The following FAT3 variants were observed in gnomAD, a reference collection of about 807,000 sequenced individuals.
The protein encoded by FAT3 is FAT atypical cadherin 3.
A neutral mutation model predicts 310.2 loss-of-function variants in FAT3; 95 were observed. That is an observed-to-expected ratio of 0.31 (90% confidence interval 0.26 to 0.36). FAT3 has a LOEUF of 0.36. FAT3 is among the 10% of genes least tolerant of loss of function. The pLI, the probability that FAT3 is intolerant of heterozygous loss-of-function variation, is 1.00. For synonymous variants in FAT3, 2,314 were observed against 2,192.9 expected (o/e 1.06, Z -1.54); for missense variants, 5,408 against 5,715.6 (o/e 0.95, Z 1.74).
intron 2 of FAT3, among the ~76,000 whole-genome samples, chr11:92,361,775 C>T (rs7936345): frequency 1.3e-5 from 2 of 152,114 alleles, no homozygotes; most frequent in Non-Finnish European, 1.5e-5. Context: ...TGACATAGCA[C>T]GTGACAGCTC....
intron 21 of FAT3, among the ~76,000 whole-genome samples, chr11:92,862,091 A>C (rs1949133186): frequency 6.6e-6 from 1 of 152,218 alleles, no homozygotes; most frequent in Non-Finnish European, 1.5e-5. Flanking sequence ...TAAGCATCCA[A>C]ATGCAATAAA....
chr11:92,799,996 A>G lies in FAT3; in HGVS notation c.6983A>G (p.Gln2328Arg). 3.1e-6 allele frequency: 5 copies of G among 1,613,878 alleles called. No homozygotes were observed. The highest frequency in any genetic ancestry group is 4.2e-6 in the Non-Finnish European group (5 of 1,179,846). The stretch of plus-strand genomic sequence containing the variant: ...AAAATGGTACATTATCAGATTGTCC[A>G]GGATACCTACAATAGCACAGATTAT... Reference protein sequence around the residue: ...NNKMVHYQIVQDTYNSTDYFH... With the variant: ...NNKMVHYQIVRDTYNSTDYFH... Residue 2328 changes from glutamine to arginine, a missense_variant, in exon 10 of 28, where the codon CAG becomes CGG. This residue lies in a region of FAT3 where 4,588 missense variants were observed against 4,809.8 expected (regional missense o/e 0.95). Coordinates refer to ENST00000525166, the MANE Select transcript of FAT3 (RefSeq NM_001367949.2).
intron 2 of FAT3, among the ~76,000 whole-genome samples, chr11:92,444,680 A>G (rs926725755): frequency 2.7e-5 from 4 of 150,212 alleles, no homozygotes; most frequent in Non-Finnish European, 4.4e-5. Flanking sequence ...GAAAACATAC[A>G]GTTTATATTA....
At position 92,450,933 on chromosome 11, in the gene FAT3, A is replaced by C. The variant is rs556740428; in HGVS notation, c.3293-73701A>C. Among the ~76,000 whole-genome samples, 176 of 152,326 alleles carry C rather than the reference A, an allele frequency of 1.2e-3. 1 individual carries two copies. The highest frequency in any genetic ancestry group is 9.3e-3 in the Admixed American group (142 of 15,292). On this transcript the variant is annotated intron_variant, in intron 2 of 27. Coordinates refer to ENST00000525166, the MANE Select transcript of FAT3 (RefSeq NM_001367949.2). ...TTTCTCTAGAAATCAAGAAGTTTTA[A>C]AACAGAATCCTGATCTTTACTGGTC...
chr11:92,576,283 G>A (rs592399), intron 3 of FAT3, among the ~76,000 whole-genome samples: 112,452 of 151,690 alleles, frequency 0.74, 43,927 homozygotes, highest in Non-Finnish European at 0.88. Flanking sequence ...TAGTTACTTC[G>A]TTGGGTTTTA....
At chr11:92,259,991 G>C (rs1319516919) in intron 1 of FAT3, among the ~76,000 whole-genome samples, 2 of 152,122 alleles carry the variant, frequency 1.3e-5, no homozygotes, top group African/African-American at 4.8e-5. Context: ...TTACTTACCA[G>C]GGAGAGGATC....
chr11:92,522,085 G>T (rs1360775522), intron 2 of FAT3, among the ~76,000 whole-genome samples: 6 of 152,162 alleles, frequency 3.9e-5, no homozygotes, highest in African/African-American at 1.4e-4. Context: ...AGGTCTCATG[G>T]CAGTGAAGAG....
chr11:92,507,674 A>T (rs181079597), intron 2 of FAT3, among the ~76,000 whole-genome samples: 7 of 140,208 alleles, frequency 5.0e-5, no homozygotes, highest in African/African-American at 2.0e-4. Flanking sequence ...ATATGTACAC[A>T]TATGCACACA....
At position 92,800,122 on chromosome 11, in the gene FAT3, G is replaced by T. The variant is rs574389091; in HGVS notation, c.7109G>T (p.Gly2370Val). 6.2e-6 allele frequency: 10 copies of T among 1,613,820 alleles called. No homozygotes were observed. Among genetic ancestry groups the T allele is most frequent in the Non-Finnish European group, 8.5e-6 (10 of 1,179,872 alleles). ...CTLKVRSIDS[G>V]FPSLSSEVLV... Reference sequence around the variant, plus strand: ...TTGAAAGTCAGATCAATAGATAGTGGCTTCCCATCACTGAGCAGTGAGGTT... The same window carrying T: ...TTGAAAGTCAGATCAATAGATAGTGTCTTCCCATCACTGAGCAGTGAGGTT... The change falls in exon 10 of 28, where the codon GGC (glycine) becomes GTC (valine). Residue 2370 changes from glycine (G) to valine (V), a missense_variant. Coordinates refer to ENST00000525166, the MANE Select transcript of FAT3 (RefSeq NM_001367949.2).
chr11:92,476,794 A>G (rs546292998), intron 2 of FAT3, among the ~76,000 whole-genome samples: 2 of 152,332 alleles, frequency 1.3e-5, no homozygotes, highest in South Asian at 2.1e-4. Flanking sequence ...TAGAGGATCA[A>G]GTTGAAGACA....
chr11:92,392,839 T>C (rs982189609), intron 2 of FAT3, among the ~76,000 whole-genome samples: 2 of 152,178 alleles, frequency 1.3e-5, no homozygotes, highest in African/African-American at 4.8e-5. Context: ...GCCCCTCCTC[T>C]CCTAGCCCAT....
At chr11:92,322,579 G>T (rs1326753895) in intron 1 of FAT3, among the ~76,000 whole-genome samples, 1 of 152,230 alleles carries the variant, frequency 6.6e-6, no homozygotes, top group South Asian at 2.1e-4. Flanking sequence ...ATTGGAGTCA[G>T]TCCTCTCAAA....
intron 4 of FAT3, among the ~76,000 whole-genome samples, chr11:92,758,827 T>C (rs1430759130): frequency 6.6e-6 from 1 of 152,046 alleles, no homozygotes; most frequent in East Asian, 1.9e-4. Context: ...CAAGTTCAAT[T>C]GGATATAGAT....
At chr11:92,743,320 C>T (rs1945560648) in intron 4 of FAT3, among the ~76,000 whole-genome samples, 1 of 152,166 alleles carries the variant, frequency 6.6e-6, no homozygotes, top group Non-Finnish European at 1.5e-5. Flanking sequence ...CAGTAAAGAC[C>T]TTTCAGCAGG....
intron 2 of FAT3, among the ~76,000 whole-genome samples, chr11:92,402,342 G>A (rs1591234174): frequency 6.6e-6 from 1 of 152,256 alleles, no homozygotes; most frequent in East Asian, 1.9e-4. Context: ...AAATTCAAGA[G>A]CTGTGGGAAA....
At chr11:92,728,469 A>G (rs1007177343) in intron 4 of FAT3, among the ~76,000 whole-genome samples, 1 of 152,212 alleles carries the variant, frequency 6.6e-6, no homozygotes, top group Non-Finnish European at 1.5e-5. Context: ...ACTTCAGCAG[A>G]ACTGGACTGC....
In FAT3 at chr11:92,353,537, A is replaced by G; in HGVS notation, c.1425A>G (p.Pro475=). 1 of 1,613,742 alleles carries G rather than the reference A, an allele frequency of 6.2e-7. No homozygotes were observed. Among genetic ancestry groups the G allele is most frequent in the Non-Finnish European group, 8.5e-7 (1 of 1,179,844 alleles). Residue 475 remains proline (P), a synonymous_variant, in exon 2 of 28, where the codon CCA becomes CCG. Transcript: ENST00000525166. ...ANDHTPEFQQ[P]LYDAYVNESV... Reference sequence around the variant, plus strand: ...ACCACACCCCAGAATTTCAGCAACCACTGTATGATGCTTATGTGAATGAAA... The same window carrying G: ...ACCACACCCCAGAATTTCAGCAACCGCTGTATGATGCTTATGTGAATGAAA...
intron 1 of FAT3, among the ~76,000 whole-genome samples, chr11:92,290,115 C>G (rs896748587): frequency 3.3e-5 from 5 of 152,088 alleles, no homozygotes; most frequent in Non-Finnish European, 5.9e-5. Flanking sequence ...ATGGCTCACT[C>G]CCTTACCTTC....
intron 2 of FAT3, among the ~76,000 whole-genome samples, chr11:92,380,609 A>C (rs1326075722): frequency 1.3e-5 from 2 of 152,138 alleles, no homozygotes; most frequent in Non-Finnish European, 2.9e-5. Flanking sequence ...AGCTGAGGCA[A>C]ATCATTTCCC....
Sources: gnomAD v4.1 joint callset for allele counts (sites outside exome capture counted in the v4.1 genomes callset) on GRCh38, gnomAD v4.1.1 for gene constraint, gnomAD v4.1.1 regional missense constraint, MANE v1.5 for transcripts, NCBI Gene and HGNC (gene_info 2026-07-23, HGNC 2026-07-21) for gene names.